GRAMD1B: variants seen among roughly 807,000 people sequenced by gnomAD.
GRAMD1B encodes the protein GRAM domain containing 1B.
A neutral mutation model predicts 99.7 loss-of-function variants in GRAMD1B; 37 were observed. The observed-to-expected ratio is 0.37, with a 90% CI of 0.29 to 0.49. The LOEUF (loss-of-function observed/expected upper bound fraction) is 0.49. GRAMD1B is among the 20% of genes least tolerant of loss of function. The pLI is 0.98. For synonymous variants in GRAMD1B, 427 were observed against 387.6 expected (o/e 1.10, Z -1.19); for missense variants, 888 against 1,009.2 (o/e 0.88, Z 1.63).
intron 1 of GRAMD1B, among the ~76,000 whole-genome samples, chr11:123,379,048 G>A (rs1021294973): frequency 1.3e-5 from 2 of 152,176 alleles, no homozygotes; most frequent in Admixed American, 1.3e-4. Context: ...GGAAGATGGA[G>A]ATAAGGAAGA....
intron 1 of GRAMD1B, among the ~76,000 whole-genome samples, chr11:123,478,712 G>T (rs1262286666): frequency 6.6e-6 from 1 of 152,196 alleles, no homozygotes; most frequent in Non-Finnish European, 1.5e-5. Context: ...AGGATAGGGG[G>T]ACTAGGAAGA....
intron 4 of GRAMD1B, among the ~76,000 whole-genome samples, chr11:123,588,227 C>T (rs1468153729): frequency 1.3e-5 from 2 of 152,102 alleles, no homozygotes; most frequent in Non-Finnish European, 2.9e-5. Context: ...GCTCCTCCAC[C>T]CCCTCCTTCT....
chr11:123,582,691 C>T (rs964677280), intron 3 of GRAMD1B, among the ~76,000 whole-genome samples: 21 of 152,296 alleles, frequency 1.4e-4, no homozygotes, highest in African/African-American at 5.1e-4. Flanking sequence ...GAAGGTGGAC[C>T]GTCTTTACAG....
intron 3 of GRAMD1B, among the ~76,000 whole-genome samples, chr11:123,583,289 GGT>G (rs55823718): frequency 0.13 from 19,354 of 149,776 alleles, 1,498 homozygotes; most frequent in East Asian, 0.24. Flanking sequence ...ATGTGTGTGT[GGT>G]GTGTGTGAAT....
chr11:123,583,008 G>A (rs1055324709), intron 3 of GRAMD1B, among the ~76,000 whole-genome samples: 2 of 152,060 alleles, frequency 1.3e-5, no homozygotes, highest in Admixed American at 1.3e-4. Context: ...GCATGCGCAA[G>A]TGTGTGCGTG....
At chr11:123,529,406 G>A (rs142744451) in intron 2 of GRAMD1B, among the ~76,000 whole-genome samples, 12 of 152,292 alleles carry the variant, frequency 7.9e-5, no homozygotes, top group African/African-American at 2.4e-4. Flanking sequence ...GAAGATGACC[G>A]TGACATATGT....
intron 19 of GRAMD1B, among the ~76,000 whole-genome samples, chr11:123,622,299 A>G (rs917170334): frequency 6.6e-6 from 1 of 152,150 alleles, no homozygotes; most frequent in Non-Finnish European, 1.5e-5. Context: ...CTGGGATTAC[A>G]GGTGTGCGTC....
chr11:123,503,719 T>A (rs752444683), intron 2 of GRAMD1B, among the ~76,000 whole-genome samples: 1 of 152,104 alleles, frequency 6.6e-6, no homozygotes, highest in Non-Finnish European at 1.5e-5. Flanking sequence ...GCTAATTTTG[T>A]ATTTTTTAGT....
chr11:123,536,719 TTCTC>T (rs1944000769), intron 2 of GRAMD1B, among the ~76,000 whole-genome samples: 1 of 152,174 alleles, frequency 6.6e-6, no homozygotes, highest in Non-Finnish European at 1.5e-5. Flanking sequence ...AGTAGTGCCT[TTCTC>T]AGGACACAAG....
intron 1 of GRAMD1B, among the ~76,000 whole-genome samples, chr11:123,447,902 T>G (rs549496440): frequency 6.6e-6 from 1 of 152,268 alleles, no homozygotes; most frequent in East Asian, 1.9e-4. Flanking sequence ...CCTAGTTTGT[T>G]TTTTTTAACC....
rs535645657 is a variant in GRAMD1B, at chr11:123,462,257, G to A, written c.375-18559G>A. 1.6e-4 allele frequency among the ~76,000 whole-genome samples: 24 copies of A among 152,236 alleles called. No individual in the cohort carries two copies. The South Asian group carries it at 4.4e-3, about 28-fold the overall frequency. On this transcript the variant is annotated intron_variant, in intron 1 of 19. Coordinates refer to ENST00000635736, the MANE Select transcript of GRAMD1B (RefSeq NM_001387025.1). ...GCTGGGATTACAGGTGTGAGCCACCGTGCCGGGCCAGTCATTTGTTTATTT... is the reference window on the plus strand; with the variant it reads ...GCTGGGATTACAGGTGTGAGCCACCATGCCGGGCCAGTCATTTGTTTATTT...
chr11:123,616,788 T>C (rs2137073158), intron 17 of GRAMD1B, among the ~76,000 whole-genome samples: 1 of 152,340 alleles, frequency 6.6e-6, no homozygotes, highest in Admixed American at 6.5e-5. Flanking sequence ...GGGGTATCCC[T>C]TGACCTTCAC....
chr11:123,391,646 G>A (rs1947284875), intron 1 of GRAMD1B, among the ~76,000 whole-genome samples: 2 of 152,128 alleles, frequency 1.3e-5, no homozygotes, highest in Non-Finnish European at 2.9e-5. Flanking sequence ...AGTAGAGATG[G>A]AGTTTCACCA....
In GRAMD1B at chr11:123,383,706, T is replaced by A. The variant is rs190558611; in HGVS notation, c.-176+24907T>A. On this transcript the variant is annotated intron_variant, in intron 1 of 20. Transcript: ENST00000638157. ...TTCGTTTTTATTTCTTAAATACACA[T>A]CTCCCTGATGTTAACAAAGAAACCT... 3.9e-5 allele frequency among the ~76,000 whole-genome samples: 6 copies of A among 152,044 alleles called. No individual in the cohort carries two copies. The East Asian group carries it at 1.2e-3, about 29-fold the overall frequency.
chr11:123,597,942 A>G (rs542828789), intron 7 of GRAMD1B: 1 of 1,101,296 alleles, frequency 9.1e-7, no homozygotes, highest in East Asian at 2.4e-5. Context: ...ATCCCTGAAC[A>G]CTAGAGCAGT....
intron 1 of GRAMD1B, among the ~76,000 whole-genome samples, chr11:123,451,839 A>T (rs1313149181): frequency 2.0e-5 from 3 of 148,548 alleles, no homozygotes; most frequent in Non-Finnish European, 4.5e-5. Context: ...ACAGCAGATT[A>T]TATATATATA....
At chr11:123,513,621 T>TTCCTTC (rs1306827051) in intron 2 of GRAMD1B, among the ~76,000 whole-genome samples, 726 of 36,048 alleles carry the variant, frequency 0.02, 4 homozygotes, top group African/African-American at 0.038. Flanking sequence ...TTCCTTCCTT[T>TTCCTTC]CTTTCTTTCT....
chr11:123,449,697 C>T (rs1949794497), intron 1 of GRAMD1B, among the ~76,000 whole-genome samples: 1 of 130,730 alleles, frequency 7.6e-6, no homozygotes, highest in African/African-American at 2.7e-5. Flanking sequence ...TCTGCAGATG[C>T]ATGCCACCAT....
intron 7 of GRAMD1B, chr11:123,598,969 T>C: frequency 9.6e-7 from 1 of 1,044,224 alleles, no homozygotes; most frequent in Admixed American, 1.7e-5. Context: ...GACAGGTATG[T>C]GATATAATCC....
Sources: allele counts gnomAD v4.1 joint callset (sites outside exome capture counted in the v4.1 genomes callset), GRCh38; gene constraint gnomAD v4.1.1; transcripts MANE v1.5; gene names NCBI Gene and HGNC (gene_info 2026-07-23, HGNC 2026-07-21).